The following DNAH3 variants were observed in gnomAD, a reference collection of about 807,000 sequenced individuals.
The protein encoded by DNAH3 is dynein axonemal heavy chain 3, also known as axonemal beta dynein heavy chain 3.
DNAH3 carries 332 observed loss-of-function variants against 432.5 expected under a neutral mutation model. The ratio of observed to expected loss-of-function variants is 0.77; its 90% CI spans 0.70 to 0.84. The LOEUF is 0.84. Among genes scored for constraint, DNAH3 ranks in the 40% least tolerant of loss-of-function variants. The probability of loss-of-function intolerance (pLI) is 0.00; values close to 1 mark genes in which losing one functional copy is unlikely to be tolerated. For missense variants in DNAH3, 4,861 were observed against 5,114.0 expected, an observed-to-expected ratio of 0.95 and a Z score of 1.51; for synonymous variants, 1,956 against 1,900.2, an observed-to-expected ratio of 1.03 and a Z score of -0.76.
intron 43 of DNAH3, 133 bp downstream of exon 43, chr16:21,000,091 A>G (rs1420215425): frequency 2.9e-5 from 26 of 884,706 alleles, no homozygotes; most frequent in Non-Finnish European, 4.4e-5. Context: ...ATACTAAGCT[A>G]TATTAACTGG....
intron 28 of DNAH3, among the ~76,000 whole-genome samples, chr16:21,052,747 G>T (rs1167499867): frequency 1.3e-5 from 2 of 152,198 alleles, no homozygotes; most frequent in East Asian, 3.9e-4. Context: ...GAGCCAGAGA[G>T]CTTTGCAATG....
intron 24 of DNAH3, 198 bp from the exon 25 acceptor site, chr16:21,062,881 T>G (rs991427723): frequency 1.7e-6 from 1 of 576,032 alleles, no homozygotes; most frequent in Non-Finnish European, 3.1e-6. Context: ...AGAGATGAGG[T>G]CTTGCCATAT....
intron 32 of DNAH3, among the ~76,000 whole-genome samples, chr16:21,041,384 G>C (rs1175884157): frequency 6.6e-6 from 1 of 152,060 alleles, no homozygotes; most frequent in East Asian, 1.9e-4. Context: ...AAAAAAGAGA[G>C]AGAGAAATGT....
intron 50 of DNAH3, among the ~76,000 whole-genome samples, chr16:20,976,974 C>T (rs2152651573): frequency 6.6e-6 from 1 of 152,324 alleles, no homozygotes; most frequent in Non-Finnish European, 1.5e-5. Flanking sequence ...GACAAACAGT[C>T]TGATGCTCTA....
chr16:21,071,628 C>A (rs1231132931), intron 21 of DNAH3, among the ~76,000 whole-genome samples: 1 of 151,922 alleles, frequency 6.6e-6, no homozygotes, highest in African/African-American at 2.4e-5. Context: ...TGGCTCATGC[C>A]CATAATCCCA....
intron 41 of DNAH3, among the ~76,000 whole-genome samples, chr16:21,017,243 T>C (rs1379733672): frequency 6.6e-6 from 1 of 152,170 alleles, no homozygotes. Context: ...ACAATCTGAC[T>C]AATGGATTGA....
intron 8 of DNAH3, 117 bp from the exon 10 acceptor site, chr16:21,125,487 C>T: frequency 1.4e-6 from 1 of 727,930 alleles, no homozygotes; most frequent in South Asian, 3.2e-5. Flanking sequence ...ACCAAGCAGC[C>T]TTGCAAATCA....
intron 14 of DNAH3, among the ~76,000 whole-genome samples, chr16:21,108,406 A>G (rs1368215971): frequency 6.6e-6 from 1 of 152,184 alleles, no homozygotes; most frequent in African/African-American, 2.4e-5. Context: ...CAAATGGATG[A>G]TTGCTTAAGG....
intron 52 of DNAH3, among the ~76,000 whole-genome samples, chr16:20,968,648 C>T (rs553426383): frequency 4.6e-4 from 70 of 151,786 alleles, no homozygotes; most frequent in Non-Finnish European, 8.7e-4. Context: ...CTGTATCCTC[C>T]TCTTTCTCTT....
intron 39 of DNAH3, 91 bp downstream of exon 39, chr16:21,024,505 G>A (rs914043569): frequency 6.9e-5 from 60 of 871,762 alleles, no homozygotes; most frequent in Non-Finnish European, 9.4e-5. Context: ...TTGCCTCCAG[G>A]GACTATGAAG....
At chr16:21,142,855 T>C (rs564663134) in intron 3 of DNAH3, among the ~76,000 whole-genome samples, 7 of 152,180 alleles carry the variant, frequency 4.6e-5, no homozygotes, top group Non-Finnish European at 7.4e-5. Flanking sequence ...GGTTTTGTCA[T>C]GTTACCCAGG....
At position 20,969,998 on chromosome 16, in the gene DNAH3, C is replaced by T. The variant is rs371852922; in HGVS notation, c.8260-8G>A. Reference sequence around the variant, plus strand: ...GTCCCCCTCACATTCGTTCTGTGGGCGGCATGAGGACAAAGGAGATGAGTG... The same window carrying T: ...GTCCCCCTCACATTCGTTCTGTGGGTGGCATGAGGACAAAGGAGATGAGTG... On this transcript the variant is annotated splice_polypyrimidine_tract_variant and splice_region_variant and intron_variant, in intron 51 of 61. Coordinates refer to ENST00000261383, the Ensembl canonical transcript of DNAH3. 59 of 1,613,312 alleles carry T rather than the reference C, an allele frequency of 3.7e-5. No homozygotes were observed. The highest frequency in any genetic ancestry group is 4.2e-5 in the Non-Finnish European group (49 of 1,179,964).
exon 59 of DNAH3, chr16:20,941,517 G>A (rs760675591): frequency 2.0e-5 from 33 of 1,614,212 alleles, no homozygotes; most frequent in Non-Finnish European, 2.6e-5. Context: ...TGGAGAGAAT[G>A]TCTTGTGCCA....
intron 59 of DNAH3, among the ~76,000 whole-genome samples, chr16:20,937,761 A>G: frequency 6.6e-6 from 1 of 151,842 alleles, no homozygotes; most frequent in Non-Finnish European, 1.5e-5. Context: ...CCTAAACTCA[A>G]GTAATCCTCC....
chr16:21,006,608 T>A (rs950433902), intron 41 of DNAH3, among the ~76,000 whole-genome samples: 2 of 152,224 alleles, frequency 1.3e-5, no homozygotes, highest in African/African-American at 4.8e-5. Flanking sequence ...CTCTATAAAT[T>A]CGCCTATTCT....
At chr16:20,960,724 C>G (rs956154311) in intron 53 of DNAH3, among the ~76,000 whole-genome samples, 9 of 152,060 alleles carry the variant, frequency 5.9e-5, no homozygotes, top group African/African-American at 2.2e-4. Flanking sequence ...AACAAACAAA[C>G]AAAAGGCGGC....
rs752770929 is a variant in DNAH3 at position 21,069,563 on chromosome 16, T to C, written c.3233A>G (p.Asp1078Gly). Residue 1078 changes from aspartate to glycine, a missense_variant, in exon 23 of 62, where the codon GAC (aspartate) becomes GGC (glycine). By Grantham distance (94) the Asp-to-Gly change is moderately conservative. Coordinates refer to ENST00000261383, the Ensembl canonical transcript of DNAH3. ...GCATTTCAACCAGGCATCCAAATTGTCTTGTATGCGAATTAGCTTTTCTTC... is the reference window on the plus strand; with the variant it reads ...GCATTTCAACCAGGCATCCAAATTGCCTTGTATGCGAATTAGCTTTTCTTC... 16 of 1,611,124 alleles carry C rather than the reference T, an allele frequency of 9.9e-6. No individual in the cohort carries two copies. The African/African-American group carries it at 1.6e-4, about 16-fold the overall frequency.
chr16:21,047,081 C>T (rs1282641774), intron 31 of DNAH3, among the ~76,000 whole-genome samples: 1 of 151,746 alleles, frequency 6.6e-6, no homozygotes, highest in Non-Finnish European at 1.5e-5. Context: ...GAGGGTAACC[C>T]GACCTTTCTC....
rs1198398318 is a variant in DNAH3 at position 20,944,799 on chromosome 16, A to ACACG, written c.11344-140_11344-137dup. The ACACG allele has an allele frequency of 6.1e-6, 5 of 814,150 alleles. No homozygotes were observed. In the African/African-American group the frequency reaches 6.8e-5, roughly 11 times the overall value. 50.4% of individuals were successfully genotyped at this position (814,150 alleles called of 1,614,324 possible). On this transcript the variant is annotated intron_variant, in intron 57 of 61. Transcript: ENST00000261383. ...AGGACACACACACACACACACACAC[A>ACACG]CACGCTGGGAGAACACAACCCTAGC...
Sources: gnomAD v4.1 joint callset for allele counts (sites outside exome capture counted in the v4.1 genomes callset) on GRCh38, gnomAD v4.1.1 for gene constraint, MANE v1.5 for transcripts, NCBI Gene and HGNC (gene_info 2026-07-23, HGNC 2026-07-21) for gene names.